The following IFT81 variants were observed in gnomAD, a reference collection of about 807,000 sequenced individuals.
IFT81 encodes the protein intraflagellar transport protein 81 homolog.
IFT81 carries 72 observed loss-of-function variants against 102.6 expected under a neutral mutation model. The observed-to-expected ratio is 0.70, with a 90% confidence interval of 0.58 to 0.85. The LOEUF is 0.85. Among genes scored for constraint, IFT81 ranks in the 40% least tolerant of loss-of-function variants. The probability of loss-of-function intolerance (pLI) is 0.00; values close to 1 mark genes in which losing one functional copy is unlikely to be tolerated. For synonymous variants in IFT81, 237 were observed against 242.7 expected (o/e 0.98, Z 0.22); for missense variants, 723 against 787.3 (o/e 0.92, Z 0.98).
chr12:110,172,355 CCATGG>C (rs1461185240), intron 11 of IFT81, among the ~76,000 whole-genome samples: 4 of 150,498 alleles, frequency 2.7e-5, no homozygotes, highest in African/African-American at 7.4e-5. Context: ...CTGCCTCTCC[CCATGG>C]TCTCCCTCTC....
intron 8 of IFT81, among the ~76,000 whole-genome samples, chr12:110,140,244 T>C (rs1894806589): frequency 6.6e-6 from 1 of 152,200 alleles, no homozygotes; most frequent in African/African-American, 2.4e-5. Flanking sequence ...ACACATTAAG[T>C]ATTTGTCTGA....
At chr12:110,186,794 C>T (rs1395369243) in intron 12 of IFT81, among the ~76,000 whole-genome samples, 1 of 152,168 alleles carries the variant, frequency 6.6e-6, no homozygotes, top group East Asian at 1.9e-4. Flanking sequence ...CCTCCCAAGG[C>T]TGGGCTTACA....
At position 110,213,229 on chromosome 12, in the gene IFT81, C is replaced by A. The variant is rs1015004870; in HGVS notation, c.1848+4013C>A. Among the ~76,000 whole-genome samples, 9 of 152,070 alleles carry A rather than the reference C, an allele frequency of 5.9e-5. No homozygotes were observed. The South Asian group carries it at 1.9e-3, about 32-fold the overall frequency. Reference sequence around the variant, plus strand: ...ATTAGCTTATATATCTCTTAAGTCTCTCTTTCTCCAGGTTACTCCCCCATT... The same window carrying A: ...ATTAGCTTATATATCTCTTAAGTCTATCTTTCTCCAGGTTACTCCCCCATT... On this transcript the variant is annotated intron_variant, in intron 18 of 18. Coordinates refer to ENST00000242591, the MANE Select transcript of IFT81 (RefSeq NM_014055.4).
rs1223190123 is a variant in IFT81 at position 110,173,149 on chromosome 12, C to T, written c.1189-7273C>T. On this transcript the variant is annotated intron_variant, in intron 11 of 18. Coordinates refer to ENST00000242591, the MANE Select transcript of IFT81 (RefSeq NM_014055.4). ...CAGCCCCCCGCCCGGCCAGCCGCCC[C>T]GTCCAGGAGGGAGGTGGGGGGGTCA... Among the ~76,000 whole-genome samples the T allele has an allele frequency of 6.2e-5, 9 of 145,548 alleles. No individual in the cohort carries two copies. The South Asian group carries it at 6.6e-4, about 11-fold the overall frequency.
chr12:110,206,253 A>C (rs1276184748), intron 17 of IFT81, among the ~76,000 whole-genome samples: 1 of 152,184 alleles, frequency 6.6e-6, no homozygotes, highest in African/African-American at 2.4e-5. Context: ...AATACTGCTT[A>C]GTCCTTATAT....
chr12:110,170,419 G>A (rs1484516653), intron 11 of IFT81, among the ~76,000 whole-genome samples: 1 of 152,190 alleles, frequency 6.6e-6, no homozygotes, highest in African/African-American at 2.4e-5. Context: ...ATCTCAGCTT[G>A]AAGACTTTCT....
chr12:110,137,477 T>C (rs1593284798), intron 8 of IFT81, among the ~76,000 whole-genome samples: 1 of 151,908 alleles, frequency 6.6e-6, no homozygotes, highest in Non-Finnish European at 1.5e-5. Flanking sequence ...CTCACACTTA[T>C]AATCCCAGCA....
intron 14 of IFT81, among the ~76,000 whole-genome samples, chr12:110,197,255 GA>G (rs1566163055): frequency 8.9e-4 from 106 of 119,176 alleles, no homozygotes; most frequent in African/African-American, 2.0e-3. Flanking sequence ...TAGGTAGATA[GA>G]TAGATAGATA....
In IFT81 at chr12:110,143,752, A is replaced by C. The variant is rs1450412474; in HGVS notation, c.945+207A>C. Among the ~76,000 whole-genome samples, 7 of 151,940 alleles carry C rather than the reference A, an allele frequency of 4.6e-5. No homozygotes were observed. In the East Asian group the frequency reaches 1.2e-3, roughly 25 times the overall value. ...AATCCACATGATGTTATGAAAACAT[A>C]ATCAATTGATTAGCAAATGAAGTAA... On this transcript the variant is annotated intron_variant, in intron 9 of 18. Coordinates refer to ENST00000242591, the MANE Select transcript of IFT81 (RefSeq NM_014055.4).
Position 110,218,078 on chromosome 12 carries a change from G to T in IFT81, c.1883G>T (p.Ser628Ile). The change falls in exon 19 of 19, where the codon AGT becomes ATT. Residue 628 changes from serine (S) to isoleucine (I), a missense_variant. Transcript: ENST00000242591. ...GAAAAACAAAAAGTTATACGAGAAA[G>T]TCATGGTCCAAATATGAAACAAGCA... ...LREKQKVIRE[S>I]HGPNMKQAKM... is the part of the protein sequence containing the mutation. 6.2e-7 allele frequency: 1 copy of T among 1,603,910 alleles called. No individual in the cohort carries two copies. Among genetic ancestry groups the T allele is most frequent in the Non-Finnish European group, 8.5e-7 (1 of 1,177,066 alleles).
intron 11 of IFT81, among the ~76,000 whole-genome samples, chr12:110,177,870 G>A (rs1477190339): frequency 2.8e-3 from 390 of 138,890 alleles, no homozygotes; most frequent in Middle Eastern, 0.019. Context: ...CAAGGTGGGC[G>A]GATCACCTGA....
At chr12:110,201,274 T>C (rs1168902066) in intron 14 of IFT81, among the ~76,000 whole-genome samples, 1 of 151,612 alleles carries the variant, frequency 6.6e-6, no homozygotes, top group Non-Finnish European at 1.5e-5. Context: ...TGGTGGCACA[T>C]GTCTGTAGTC....
chr12:110,147,553 A>G (rs1895293956), intron 10 of IFT81, among the ~76,000 whole-genome samples: 1 of 152,232 alleles, frequency 6.6e-6, no homozygotes, highest in Admixed American at 6.5e-5. Context: ...AATGAAGGCC[A>G]TGGCTTATCT....
chr12:110,167,793 C>A, intron 11 of IFT81: 1 of 216,126 alleles, frequency 4.6e-6, no homozygotes. Flanking sequence ...ATACATTATT[C>A]TCATTTTTGT....
intron 11 of IFT81, among the ~76,000 whole-genome samples, chr12:110,173,962 A>T (rs547893165): frequency 3.9e-4 from 56 of 145,234 alleles, no homozygotes; most frequent in Admixed American, 2.3e-3. Context: ...AATGATCAAT[A>T]AAAAAAAAAA....
intron 11 of IFT81, among the ~76,000 whole-genome samples, chr12:110,179,152 A>G (rs1897176219): frequency 1.3e-5 from 2 of 152,108 alleles, no homozygotes. Flanking sequence ...GATGCTTGAT[A>G]GCAATATATA....
chr12:110,125,755 A>G (rs1893798422), intron 1 of IFT81, among the ~76,000 whole-genome samples: 1 of 152,258 alleles, frequency 6.6e-6, no homozygotes. Context: ...AAGCTGTTTC[A>G]GCAGTTAATA....
intron 10 of IFT81, among the ~76,000 whole-genome samples, chr12:110,148,724 T>A (rs549797594): frequency 4.6e-4 from 70 of 152,208 alleles, no homozygotes; most frequent in African/African-American, 1.6e-3. Flanking sequence ...CCACCCGCCT[T>A]GGCCTCCCAA....
intron 10 of IFT81, among the ~76,000 whole-genome samples, chr12:110,151,477 G>A (rs1440797634): frequency 6.6e-6 from 1 of 152,080 alleles, no homozygotes; most frequent in Admixed American, 6.6e-5. Flanking sequence ...TATGAGTAAT[G>A]CTACTATGAA....
Sources: allele counts gnomAD v4.1 joint callset (sites outside exome capture counted in the v4.1 genomes callset), GRCh38; gene constraint gnomAD v4.1.1; transcripts MANE v1.5; gene names NCBI Gene and HGNC (gene_info 2026-07-23, HGNC 2026-07-21).